The following ASCC3 variants were observed in gnomAD, a reference collection of about 807,000 sequenced individuals.
The protein encoded by ASCC3 is activating signal cointegrator 1 complex subunit 3.
ASCC3 carries 158 observed loss-of-function variants against 256.3 expected under a neutral mutation model. That is an observed-to-expected ratio of 0.62 (90% CI 0.54 to 0.70). The LOEUF is 0.70. Ranked by LOEUF, ASCC3 falls within the 30% of genes least tolerant of loss-of-function variation. The probability of loss-of-function intolerance (pLI) is 0.00; values close to 1 mark genes in which losing one functional copy is unlikely to be tolerated. For missense variants in ASCC3, 2,259 were observed against 2,626.0 expected (o/e 0.86, Z 3.05); for synonymous variants, 948 against 883.4 (o/e 1.07, Z -1.30).
chr6:100,570,343 C>T (rs1770522766), intron 36 of ASCC3, among the ~76,000 whole-genome samples: 1 of 152,166 alleles, frequency 6.6e-6, no homozygotes, highest in Non-Finnish European at 1.5e-5. Flanking sequence ...TGAGAATGGG[C>T]ATCCTTGCCT....
chr6:100,616,766 G>A (rs1269088866), intron 30 of ASCC3, among the ~76,000 whole-genome samples: 3 of 152,150 alleles, frequency 2.0e-5, no homozygotes, highest in African/African-American at 4.8e-5. Context: ...AGTGAATAGC[G>A]AGTTCTTGTT....
At chr6:100,825,846 T>A (rs1382077038) in intron 4 of ASCC3, among the ~76,000 whole-genome samples, 1 of 151,984 alleles carries the variant, frequency 6.6e-6, no homozygotes, top group Non-Finnish European at 1.5e-5. Context: ...CTTTATTTCA[T>A]TAAGTTAATC....
intron 14 of ASCC3, among the ~76,000 whole-genome samples, chr6:100,673,333 C>T (rs769009976): frequency 6.6e-6 from 1 of 151,928 alleles, no homozygotes. Flanking sequence ...TCTCTCTACC[C>T]CTAGGAATTT....
intron 33 of ASCC3, 88 bp downstream of exon 33, chr6:100,605,480 T>C: frequency 2.0e-6 from 2 of 984,778 alleles, no homozygotes; most frequent in Non-Finnish European, 3.1e-6. Flanking sequence ...CTACCTGTTT[T>C]ACTGATTTTT....
chr6:100,525,156 C>CAAAAAAAAAAAAAAAAAAAAAAAAAAA (rs57882047), intron 37 of ASCC3, among the ~76,000 whole-genome samples: 17 of 44,948 alleles, frequency 3.8e-4, no homozygotes, highest in Non-Finnish European at 5.0e-4. Context: ...GACCCTGTCT[C>CAAAAAAAAAAAAAAAAAAAAAAAAAAA]AAAAAAAAAA....
chr6:100,851,796 G>T (rs1272099609), intron 3 of ASCC3, among the ~76,000 whole-genome samples: 1 of 152,118 alleles, frequency 6.6e-6, no homozygotes, highest in Non-Finnish European at 1.5e-5. Context: ...AACACTATTT[G>T]TTAACATGGA....
At chr6:100,677,141 A>C (rs1472357397) in intron 14 of ASCC3, among the ~76,000 whole-genome samples, 2 of 152,158 alleles carry the variant, frequency 1.3e-5, no homozygotes, top group East Asian at 1.9e-4. Flanking sequence ...GTTCAAAGGC[A>C]CTTCAAGAAA....
chr6:100,811,715 G>A (rs886465379), intron 4 of ASCC3, among the ~76,000 whole-genome samples: 3 of 152,014 alleles, frequency 2.0e-5, no homozygotes, highest in African/African-American at 7.2e-5. Context: ...TGAAGCCTAA[G>A]TACTCTATGA....
At chr6:100,797,678 G>A (rs1001232741) in intron 8 of ASCC3, among the ~76,000 whole-genome samples, 13 of 151,782 alleles carry the variant, frequency 8.6e-5, no homozygotes, top group African/African-American at 2.7e-4. Flanking sequence ...ATATTGATAC[G>A]TGGACCTCTT....
chr6:100,764,267 T>C (rs757569904), intron 10 of ASCC3, among the ~76,000 whole-genome samples: 1 of 152,194 alleles, frequency 6.6e-6, no homozygotes, highest in Non-Finnish European at 1.5e-5. Flanking sequence ...TGAATGGTGC[T>C]ACGGGATTCA....
chr6:100,810,443 T>C (rs1448905099), intron 4 of ASCC3, among the ~76,000 whole-genome samples: 2 of 152,194 alleles, frequency 1.3e-5, no homozygotes, highest in African/African-American at 4.8e-5. Flanking sequence ...GTTAAAATAG[T>C]GCAAGACAAA....
chr6:100,618,697 C>T (rs115322424), intron 30 of ASCC3, among the ~76,000 whole-genome samples: 2,287 of 152,310 alleles, frequency 0.015, 53 homozygotes, highest in African/African-American at 0.052. Context: ...ACCCCTGAAA[C>T]CAGACAGTTA....
intron 36 of ASCC3, among the ~76,000 whole-genome samples, chr6:100,549,586 A>C: frequency 6.6e-6 from 1 of 151,860 alleles, no homozygotes; most frequent in East Asian, 1.9e-4. Context: ...AACTACTGTT[A>C]CCTGCTGACT....
chr6:100,789,207 A>G (rs1234813712), intron 8 of ASCC3, among the ~76,000 whole-genome samples: 2 of 151,928 alleles, frequency 1.3e-5, no homozygotes, highest in Non-Finnish European at 1.5e-5. Flanking sequence ...AATTTAGGGA[A>G]GTAACTTATA....
At chr6:100,591,439 T>C (rs1771994095) in intron 34 of ASCC3, among the ~76,000 whole-genome samples, 1 of 152,070 alleles carries the variant, frequency 6.6e-6, no homozygotes, top group Non-Finnish European at 1.5e-5. Flanking sequence ...CTTTCTACAA[T>C]ATAAGTGCTT....
chr6:100,872,781 G>A (rs1773809388), intron 1 of ASCC3, among the ~76,000 whole-genome samples: 1 of 152,144 alleles, frequency 6.6e-6, no homozygotes. Flanking sequence ...AGATCCAGAA[G>A]AGAGACAACA....
chr6:100,593,661 T>C (rs1011014268), intron 34 of ASCC3, among the ~76,000 whole-genome samples: 6 of 152,158 alleles, frequency 3.9e-5, no homozygotes, highest in Non-Finnish European at 7.4e-5. Context: ...ATTGAAATGC[T>C]GCTGCTATAA....
chr6:100,626,275 A>G (rs781354049), intron 29 of ASCC3, among the ~76,000 whole-genome samples: 14 of 152,070 alleles, frequency 9.2e-5, no homozygotes, highest in Non-Finnish European at 2.1e-4. Context: ...AATTTTATAT[A>G]AAAAGTTCAA....
chr6:100,793,199 C>A (rs1301491299), intron 8 of ASCC3, among the ~76,000 whole-genome samples: 5 of 151,902 alleles, frequency 3.3e-5, no homozygotes, highest in Admixed American at 6.6e-5. Context: ...TGGAAAAAGT[C>A]AAATAGAGAA....
Sources: gnomAD v4.1 joint callset for allele counts (sites outside exome capture counted in the v4.1 genomes callset) on GRCh38, gnomAD v4.1.1 for gene constraint, MANE v1.5 for transcripts, NCBI Gene and HGNC (gene_info 2026-07-23, HGNC 2026-07-21) for gene names.